The following CADPS variants were observed in gnomAD, a reference collection of about 807,000 sequenced individuals.
CADPS encodes calcium-dependent secretion activator 1.
A neutral mutation model predicts 167.3 loss-of-function variants in CADPS; 57 were observed. The ratio of observed to expected loss-of-function variants is 0.34; its 90% CI spans 0.28 to 0.42. The LOEUF (loss-of-function observed/expected upper bound fraction) is 0.42, where lower values mean the gene tolerates loss of function less well. Among genes scored for constraint, CADPS ranks in the 20% least tolerant of loss-of-function variants. The probability of loss-of-function intolerance (pLI) is 1.00; values close to 1 mark genes in which losing one functional copy is unlikely to be tolerated. For missense variants in CADPS, 1,414 were observed against 1,738.1 expected, an observed-to-expected ratio of 0.81 and a Z score of 3.32; for synonymous variants, 676 against 635.3, an observed-to-expected ratio of 1.06 and a Z score of -0.96.
chr3:62,531,562 C>T (rs1034479462), intron 13 of CADPS, among the ~76,000 whole-genome samples: 5 of 152,184 alleles, frequency 3.3e-5, no homozygotes, highest in Non-Finnish European at 5.9e-5. Context: ...AGTTGTATAG[C>T]TTGCAAAGAT....
At position 62,769,305 on chromosome 3, in the gene CADPS, C is replaced by G. The variant is rs540516251; in HGVS notation, c.442-3321G>C. On this transcript the variant is annotated intron_variant, in intron 1 of 29. Coordinates refer to ENST00000383710, the MANE Select transcript of CADPS (RefSeq NM_003716.4). ...GGAGTGCAGTGGTGTGATCTCGGCT[C>G]ACTGCAACCTCCACCTCCTGGGTTC... is the stretch of plus-strand genomic sequence containing the variant. 2.8e-3 allele frequency among the ~76,000 whole-genome samples: 418 copies of G among 148,384 alleles called. 3 individuals are homozygous for G. The highest frequency in any genetic ancestry group is 3.2e-3 in the Non-Finnish European group (216 of 66,828).
chr3:62,451,839 C>T (rs896476436), intron 26 of CADPS, among the ~76,000 whole-genome samples: 1 of 152,170 alleles, frequency 6.6e-6, no homozygotes, highest in African/African-American at 2.4e-5. Flanking sequence ...TTCCACTTCC[C>T]TAACCCAAGC....
At chr3:62,549,309 A>G (rs2152241538) in intron 11 of CADPS, among the ~76,000 whole-genome samples, 1 of 152,340 alleles carries the variant, frequency 6.6e-6, no homozygotes, top group East Asian at 1.9e-4. Flanking sequence ...GACATGGAAA[A>G]GGGGCAAGAA....
intron 3 of CADPS, among the ~76,000 whole-genome samples, chr3:62,693,040 A>T (rs35958357): frequency 6.6e-6 from 1 of 151,150 alleles, no homozygotes; most frequent in Admixed American, 6.6e-5. Context: ...TTTCTTGGCC[A>T]TCAAGTTTTT....
At chr3:62,844,621 G>C (rs1016081911) in intron 1 of CADPS, among the ~76,000 whole-genome samples, 3 of 152,112 alleles carry the variant, frequency 2.0e-5, no homozygotes, top group African/African-American at 7.2e-5. Flanking sequence ...CGTAGGTATC[G>C]GGGTCTATAG....
chr3:62,764,209 G>A (rs911231766), intron 2 of CADPS, among the ~76,000 whole-genome samples: 2 of 152,018 alleles, frequency 1.3e-5, no homozygotes, highest in African/African-American at 4.8e-5. Flanking sequence ...GAACAAAGAG[G>A]GAAAATTAAT....
intron 11 of CADPS, among the ~76,000 whole-genome samples, chr3:62,546,419 G>T (rs1372573665): frequency 6.6e-6 from 1 of 152,104 alleles, no homozygotes; most frequent in African/African-American, 2.4e-5. Flanking sequence ...CTTGGTCACG[G>T]TAAGTATGAA....
At chr3:62,765,775 G>A in intron 2 of CADPS, 96 bp downstream of exon 2, 1 of 692,120 alleles carries the variant, frequency 1.4e-6, no homozygotes, top group Admixed American at 2.4e-5. Context: ...TGATACTGTA[G>A]TAAACCAAAA....
intron 3 of CADPS, among the ~76,000 whole-genome samples, chr3:62,683,437 G>T (rs915858237): frequency 1.3e-5 from 2 of 151,988 alleles, no homozygotes; most frequent in African/African-American, 2.4e-5. Context: ...CTGTAAGAAA[G>T]GTTCTTTTTT....
intron 1 of CADPS, among the ~76,000 whole-genome samples, chr3:62,772,643 A>G (rs777480880): frequency 6.6e-6 from 1 of 152,178 alleles, no homozygotes; most frequent in African/African-American, 2.4e-5. Flanking sequence ...TACTTGTTCA[A>G]GTCACTGTAT....
intron 3 of CADPS, among the ~76,000 whole-genome samples, chr3:62,705,313 C>G (rs908160052): frequency 3.3e-5 from 5 of 152,112 alleles, no homozygotes; most frequent in Non-Finnish European, 2.9e-5. Flanking sequence ...CTGAGGAATC[C>G]TCCTTTGCCC....
chr3:62,614,383 C>T (rs1282799902), intron 6 of CADPS, among the ~76,000 whole-genome samples: 3 of 152,186 alleles, frequency 2.0e-5, no homozygotes, highest in African/African-American at 7.2e-5. Flanking sequence ...ACTGCAGGAT[C>T]ACAGGGTGGC....
At chr3:62,722,137 C>T (rs2075956361) in intron 3 of CADPS, among the ~76,000 whole-genome samples, 1 of 152,204 alleles carries the variant, frequency 6.6e-6, no homozygotes, top group African/African-American at 2.4e-5. Flanking sequence ...ACAGAAGCAG[C>T]AAGGGGCAGC....
intron 28 of CADPS, among the ~76,000 whole-genome samples, chr3:62,425,258 T>C (rs2052382189): frequency 6.6e-6 from 1 of 152,184 alleles, no homozygotes; most frequent in Admixed American, 6.5e-5. Context: ...CAGATAATTA[T>C]TTGTTATGGG....
At chr3:62,831,347 T>C (rs1336045824) in intron 1 of CADPS, among the ~76,000 whole-genome samples, 2 of 152,190 alleles carry the variant, frequency 1.3e-5, no homozygotes, top group South Asian at 2.1e-4. Context: ...CACTATCATA[T>C]CTAGGCAGAC....
In CADPS at chr3:62,430,732, C is replaced by T. The variant is rs180694527; in HGVS notation, c.3777+7372G>A. On this transcript the variant is annotated intron_variant, in intron 28 of 29. Coordinates refer to ENST00000383710, the MANE Select transcript of CADPS (RefSeq NM_003716.4). ...ATCATATATATATAGATACCCGTTA[C>T]GTAACAATATTTAGTAGGTAATGTT... 3.4e-3 allele frequency among the ~76,000 whole-genome samples: 513 copies of T among 151,930 alleles called. 1 individual carries two copies. Among genetic ancestry groups the T allele is most frequent in the South Asian group, 5.6e-3 (27 of 4,788 alleles).
chr3:62,526,580 A>C (rs547928871), intron 13 of CADPS, among the ~76,000 whole-genome samples: 1 of 152,216 alleles, frequency 6.6e-6, no homozygotes, highest in African/African-American at 2.4e-5. Flanking sequence ...TAGAAAGAAT[A>C]CTAAAAATAT....
chr3:62,552,603 G>C (rs2077492096), intron 10 of CADPS, among the ~76,000 whole-genome samples: 1 of 152,118 alleles, frequency 6.6e-6, no homozygotes, highest in African/African-American at 2.4e-5. Context: ...TTCCAGTGAG[G>C]TCCAGCCAGT....
intron 3 of CADPS, among the ~76,000 whole-genome samples, chr3:62,751,247 T>C (rs1230857132): frequency 1.6e-4 from 25 of 152,174 alleles, no homozygotes; most frequent in Admixed American, 1.6e-3. Flanking sequence ...GAAACTTAGA[T>C]TACTAAAGAC....
Sources: gnomAD v4.1 joint callset for allele counts (sites outside exome capture counted in the v4.1 genomes callset) on GRCh38, gnomAD v4.1.1 for gene constraint, MANE v1.5 for transcripts, NCBI Gene and HGNC (gene_info 2026-07-23, HGNC 2026-07-21) for gene names.